The following KLHDC4 variants were observed in gnomAD, a reference collection of about 807,000 sequenced individuals.
The protein encoded by KLHDC4 is kelch domain containing 4.
In KLHDC4, 90 loss-of-function variants were observed where a neutral mutation model predicts 62.4. That is an observed-to-expected ratio of 1.44 (90% CI 1.22 to 1.72). The LOEUF is 1.72. Among genes scored for constraint, KLHDC4 ranks in the 40% most tolerant of loss-of-function variants. The pLI, the probability that KLHDC4 is intolerant of heterozygous loss-of-function variation, is 0.00. For missense variants in KLHDC4, 1,025 were observed against 699.7 expected (o/e 1.47, Z -5.25); for synonymous variants, 386 against 284.4 (o/e 1.36, Z -3.59).
At chr16:87,709,139 A>G (rs986429230) in intron 10 of KLHDC4, 126 bp downstream of exon 10, 2 of 1,209,414 alleles carry the variant, frequency 1.7e-6, no homozygotes, top group Non-Finnish European at 2.3e-6. Flanking sequence ...TGGAGGCAGG[A>G]GCACAGGCGA....
In KLHDC4 at chr16:87,748,826, G is replaced by A; in HGVS notation, c.370-17C>T. 1 of 1,611,212 alleles carries A rather than the reference G, an allele frequency of 6.2e-7. No individual in the cohort carries two copies. Among genetic ancestry groups the A allele is most frequent in the Non-Finnish European group, 8.5e-7 (1 of 1,179,500 alleles). On this transcript the variant is annotated splice_polypyrimidine_tract_variant and intron_variant, in intron 4 of 11. Transcript: ENST00000270583. ...TACCACCGCCTGTGAAAAGAAAGGTGACAGGTCAGGGCACAGCCACACAGC... is the reference window on the plus strand; with the variant it reads ...TACCACCGCCTGTGAAAAGAAAGGTAACAGGTCAGGGCACAGCCACACAGC...
In KLHDC4 at chr16:87,709,706, G is replaced by A. The variant is rs374190724; in HGVS notation, c.1045-39C>T. ...GAGGAAGCAGAGAGCAGCAGCTTCAGCGAGGCAGGGGTCATTCCTGCTATG... is the reference window on the plus strand; with the variant it reads ...GAGGAAGCAGAGAGCAGCAGCTTCAACGAGGCAGGGGTCATTCCTGCTATG... On this transcript the variant is annotated intron_variant, in intron 9 of 11. Coordinates refer to ENST00000270583, the MANE Select transcript of KLHDC4 (RefSeq NM_017566.4). The A allele has an allele frequency of 5.5e-4, 839 of 1,521,582 alleles. 12 individuals are homozygous for A. The South Asian group carries it at 1.0e-2, about 18-fold the overall frequency. 94.3% of individuals were successfully genotyped at this position (1,521,582 alleles called of 1,614,324 possible).
At chr16:87,706,165 C>G (rs1313771122), downstream of KLHDC4, among the ~76,000 whole-genome samples, 2 of 126,246 alleles carry the variant, frequency 1.6e-5, no homozygotes, top group Non-Finnish European at 3.2e-5. Context: ...GTAATGCAAA[C>G]ACAAGCTGCA....
intron 4 of KLHDC4, among the ~76,000 whole-genome samples, chr16:87,753,168 G>A (rs1052064744): frequency 1.3e-5 from 2 of 152,192 alleles, no homozygotes; most frequent in Non-Finnish European, 2.9e-5. Flanking sequence ...AGCTATGGGA[G>A]AAAAAGCCCT....
intron 2 of KLHDC4, among the ~76,000 whole-genome samples, chr16:87,759,209 G>A (rs1009414775): frequency 1.3e-5 from 2 of 149,464 alleles, no homozygotes; most frequent in Non-Finnish European, 3.0e-5. Context: ...AAATAAAATG[G>A]CAAATTTTGT....
Position 87,756,379 on chromosome 16 carries a change from G to GAA in KLHDC4, c.270+18_270+19dup. The GAA allele has an allele frequency of 6.3e-7, 1 of 1,575,420 alleles. No homozygotes were observed. Among genetic ancestry groups the GAA allele is most frequent in the Non-Finnish European group, 8.7e-7 (1 of 1,146,114 alleles). ...ATACTCACGCAACATGGGAAGAAAA[G>GAA]AAAAAAATATATACTTTACTTTTTG... On this transcript the variant is annotated intron_variant, in intron 3 of 11. Coordinates refer to ENST00000270583, the MANE Select transcript of KLHDC4 (RefSeq NM_017566.4).
At chr16:87,747,803 C>A (rs1208986253) in intron 5 of KLHDC4, 4 of 152,356 alleles carry the variant, frequency 2.6e-5, no homozygotes, top group African/African-American at 9.6e-5. Flanking sequence ...ACACCCGGAA[C>A]TGGCTCATTG....
chr16:87,710,957 C>T, intron 9 of KLHDC4: 2 of 430,348 alleles, frequency 4.6e-6, no homozygotes, highest in Non-Finnish European at 8.5e-6. Context: ...ACCCTTCTCA[C>T]ACAGAGGGCC....
intron 4 of KLHDC4, among the ~76,000 whole-genome samples, chr16:87,751,989 G>A (rs1314387870): frequency 7.0e-6 from 1 of 141,916 alleles, no homozygotes; most frequent in Admixed American, 7.2e-5. Context: ...GCAGGAGAAT[G>A]GCATGAACCC....
intron 5 of KLHDC4, among the ~76,000 whole-genome samples, chr16:87,741,344 G>A (rs1390949095): frequency 2.6e-5 from 4 of 152,298 alleles, no homozygotes; most frequent in East Asian, 1.9e-4. Flanking sequence ...GAATCAGGTC[G>A]CACAGCAGGA....
intron 2 of KLHDC4, among the ~76,000 whole-genome samples, chr16:87,759,187 CA>C (rs1212389447): frequency 4.7e-5 from 7 of 150,250 alleles, no homozygotes; most frequent in African/African-American, 1.7e-4. Context: ...AAACCAAAAC[CA>C]AACAAAAATA....
At chr16:87,739,089 C>G (rs1597222971) in intron 5 of KLHDC4, among the ~76,000 whole-genome samples, 2 of 78,766 alleles carry the variant, frequency 2.5e-5, no homozygotes, top group Admixed American at 1.1e-4. Context: ...ACACCAGCAC[C>G]TCATCCATCC....
At chr16:87,760,480 G>A (rs1261590257) in intron 2 of KLHDC4, among the ~76,000 whole-genome samples, 4 of 151,584 alleles carry the variant, frequency 2.6e-5, no homozygotes, top group East Asian at 3.9e-4. Flanking sequence ...GGTGGCGGGT[G>A]CCTGTAGTCC....
intron 5 of KLHDC4, among the ~76,000 whole-genome samples, chr16:87,736,451 A>G (rs1024875490): frequency 2.6e-5 from 4 of 152,190 alleles, no homozygotes; most frequent in African/African-American, 9.7e-5. Context: ...CTGAGAGTCT[A>G]GTGGCTCATC....
At position 87,699,194 on chromosome 16, in the gene KLHDC4, ACTT is replaced by A. The variant is rs1474787832; in HGVS notation, c.*2442_*2444del. Reference sequence around the variant, plus strand: ...TCTGTGCCCACGGCTGGCCTGTTTTACTTACCAGCCTCTGCACACTGGATGGAC... The same window carrying A: ...TCTGTGCCCACGGCTGGCCTGTTTTAACCAGCCTCTGCACACTGGATGGAC... On this transcript the variant is annotated 3_prime_UTR_variant, in exon 1 of 1. Transcript: ENST00000446344. The A allele has an allele frequency of 3.3e-5, 5 of 152,370 alleles. No homozygotes were observed. The East Asian group carries it at 9.6e-4, about 29-fold the overall frequency. 9.4% of individuals were successfully genotyped at this position (152,370 alleles called of 1,614,324 possible).
intron 4 of KLHDC4, among the ~76,000 whole-genome samples, chr16:87,752,379 A>G (rs2044148605): frequency 7.0e-6 from 1 of 143,672 alleles, no homozygotes. Flanking sequence ...CTCTGTCACC[A>G]GGCTGGAGTG....
chr16:87,751,473 CAAAAAAAAAAG>C (rs2043928240), intron 4 of KLHDC4, among the ~76,000 whole-genome samples: 1 of 98,160 alleles, frequency 1.0e-5, no homozygotes, highest in Non-Finnish European at 2.0e-5. Flanking sequence ...GACTTCATCT[CAAAAAAAAAAG>C]AAAAAAAAAA....
At chr16:87,758,510 C>A (rs1037267572) in intron 2 of KLHDC4, among the ~76,000 whole-genome samples, 2 of 152,166 alleles carry the variant, frequency 1.3e-5, no homozygotes, top group Non-Finnish European at 2.9e-5. Flanking sequence ...TTCACAGTGA[C>A]AGAAAGTTGA....
At position 87,708,351 on chromosome 16, in the gene KLHDC4, T is replaced by A. The variant is rs201891653; in HGVS notation, c.1563A>T (p.Ter521CysextTer24). ...ACCCGCCAGCCCGAGCCCGCTCACC[T>A]CAGTCCTCCGCACCGCTCTCCTCTC... is the stretch of plus-strand genomic sequence containing the variant. ...DSGEESGAED[*>C] The change falls in exon 11 of 12, where the codon TGA becomes TGT. Residue 521 changes from the stop codon to cysteine (C), a stop_lost and splice_region_variant. Transcript: ENST00000270583. The A allele has an allele frequency of 6.3e-7, 1 of 1,588,928 alleles. No individual in the cohort carries two copies. Among genetic ancestry groups the A allele is most frequent in the South Asian group, 1.1e-5 (1 of 89,812 alleles).
Sources: allele counts gnomAD v4.1 joint callset (sites outside exome capture counted in the v4.1 genomes callset), GRCh38; gene constraint gnomAD v4.1.1; transcripts MANE v1.5; gene names NCBI Gene and HGNC (gene_info 2026-07-23, HGNC 2026-07-21).